The following ENAH variants were observed in gnomAD, a reference collection of about 807,000 sequenced individuals.
The protein encoded by ENAH is ENAH actin regulator, also known as protein enabled homolog.
Under a neutral mutation model 78.7 loss-of-function variants are expected in ENAH, and 23 were observed. That is an observed-to-expected ratio of 0.29 (90% CI 0.21 to 0.41). ENAH has a LOEUF of 0.41. Among genes scored for constraint, ENAH ranks in the 10% least tolerant of loss-of-function variants. The probability of loss-of-function intolerance (pLI) is 1.00; values close to 1 mark genes in which losing one functional copy is unlikely to be tolerated. For missense variants in ENAH, 544 were observed against 691.0 expected (o/e 0.79, Z 2.39); for synonymous variants, 226 against 241.0 (o/e 0.94, Z 0.58).
Position 225,497,675 on chromosome 1 carries a change from T to C in ENAH, c.*100A>G. 1.6e-6 allele frequency: 2 copies of C among 1,217,932 alleles called. No homozygotes were observed. Among genetic ancestry groups the C allele is most frequent in the South Asian group, 1.5e-5 (1 of 68,156 alleles). The allele number at this position is 1,217,932 out of a possible 1,614,324, so 75.4% of individuals were successfully genotyped here. Reference sequence around the variant, plus strand: ...CCTTCTGTTTGTCTCCATTTTCTTCTTACAGCTCATAAATGTAGGGGTTTG... The same window carrying C: ...CCTTCTGTTTGTCTCCATTTTCTTCCTACAGCTCATAAATGTAGGGGTTTG... On this transcript the variant is annotated 3_prime_UTR_variant, in exon 14 of 14. Coordinates refer to ENST00000366843, the MANE Select transcript of ENAH (RefSeq NM_018212.6).
chr1:225,574,232 G>C (rs1214834078), intron 1 of ENAH, among the ~76,000 whole-genome samples: 1 of 152,092 alleles, frequency 6.6e-6, no homozygotes. Flanking sequence ...GTTTCAACTC[G>C]ATTCCACAAA....
intron 11 of ENAH, chr1:225,505,051 C>T (rs764281613): frequency 3.7e-6 from 6 of 1,609,408 alleles, no homozygotes; most frequent in Admixed American, 1.7e-5. Flanking sequence ...TGGAGAATCC[C>T]GTCTATGAAG....
intron 3 of ENAH, among the ~76,000 whole-genome samples, chr1:225,553,798 T>G (rs929849656): frequency 6.6e-6 from 1 of 152,202 alleles, no homozygotes; most frequent in African/African-American, 2.4e-5. Flanking sequence ...GTTTATTTTC[T>G]CAAACTAGAC....
At chr1:225,643,829 C>G (rs903722345) in intron 1 of ENAH, among the ~76,000 whole-genome samples, 7 of 151,948 alleles carry the variant, frequency 4.6e-5, no homozygotes, top group African/African-American at 1.7e-4. Flanking sequence ...CTCAGCTACT[C>G]AGGAGGCTGA....
At chr1:225,582,902 C>G (rs1170974488) in intron 1 of ENAH, among the ~76,000 whole-genome samples, 1 of 152,112 alleles carries the variant, frequency 6.6e-6, no homozygotes, top group Admixed American at 6.5e-5. Flanking sequence ...AAAACAACCA[C>G]AAGTAGGTAT....
At chr1:225,588,801 C>CA (rs55962047) in intron 1 of ENAH, among the ~76,000 whole-genome samples, 1,105 of 78,166 alleles carry the variant, frequency 0.014, 9 homozygotes, top group African/African-American at 0.037. Context: ...AAGTCTGTGT[C>CA]AAAAAAAAAA....
intron 1 of ENAH, among the ~76,000 whole-genome samples, chr1:225,633,623 G>C (rs1411624461): frequency 6.6e-6 from 1 of 152,056 alleles, no homozygotes; most frequent in Non-Finnish European, 1.5e-5. Context: ...CCTAAGCCTT[G>C]GTTTCCTACA....
Position 225,633,104 on chromosome 1 carries a change from G to A in ENAH, c.5+19582C>T, listed in dbSNP as rs190456517. 1.5e-3 allele frequency among the ~76,000 whole-genome samples: 226 copies of A among 151,154 alleles called. 1 individual carries two copies. The highest frequency in any genetic ancestry group is 3.5e-3 in the African/African-American group (142 of 41,104). ...AGTGCCCAGGCTGAAGTGCAGTGGC[G>A]CAATCTCGGCTCACTGTAAGCTCCA... On this transcript the variant is annotated intron_variant, in intron 1 of 13. Coordinates refer to ENST00000366843, the MANE Select transcript of ENAH (RefSeq NM_018212.6).
At chr1:225,524,584 A>C in intron 4 of ENAH, 3 of 985,222 alleles carry the variant, frequency 3.0e-6, no homozygotes, top group Non-Finnish European at 3.6e-6. Flanking sequence ...CGCTGAGGCA[A>C]GAGTTGATAC....
rs1159441343 is a variant in ENAH at position 225,495,258 on chromosome 1, A to C, written c.*2517T>G. 2 of 152,536 alleles carry C rather than the reference A, an allele frequency of 1.3e-5. No individual in the cohort carries two copies. The highest frequency in any genetic ancestry group is 4.8e-5 in the African/African-American group (2 of 41,456). The allele number at this position is 152,536 out of a possible 1,614,324, so 9.4% of individuals were successfully genotyped here. A position where few individuals can be genotyped will look rare whatever the true frequency, so the allele number is the denominator to read the frequency against. ...CGTACAAGAGCACAAAAACCATCAT[A>C]ATAATGTGGTTCCAAGGAACGTGGT... On this transcript the variant is annotated 3_prime_UTR_variant, in exon 14 of 14. Transcript: ENST00000366843.
chr1:225,530,054 G>A (rs2096530381), intron 4 of ENAH, among the ~76,000 whole-genome samples: 1 of 152,200 alleles, frequency 6.6e-6, no homozygotes, highest in Non-Finnish European at 1.5e-5. Context: ...GTCAGCCTAC[G>A]TACTCTGACC....
intron 1 of ENAH, among the ~76,000 whole-genome samples, chr1:225,635,425 T>G (rs1659889250): frequency 6.6e-6 from 1 of 152,228 alleles, no homozygotes; most frequent in Non-Finnish European, 1.5e-5. Context: ...TCTTGTACCC[T>G]GCAACTTTGC....
chr1:225,619,007 A>T (rs1656317857), intron 1 of ENAH, among the ~76,000 whole-genome samples: 1 of 152,160 alleles, frequency 6.6e-6, no homozygotes, highest in Non-Finnish European at 1.5e-5. Flanking sequence ...CAAGATGCCA[A>T]GCCTACATCA....
intron 2 of ENAH, among the ~76,000 whole-genome samples, chr1:225,557,021 A>G (rs934006763): frequency 3.9e-5 from 6 of 152,144 alleles, no homozygotes; most frequent in Non-Finnish European, 7.4e-5. Context: ...CAACTCTACA[A>G]TGTCTTAACT....
At chr1:225,534,650 A>T (rs1200019207) in intron 3 of ENAH, among the ~76,000 whole-genome samples, 2 of 152,096 alleles carry the variant, frequency 1.3e-5, no homozygotes, top group East Asian at 3.9e-4. Flanking sequence ...CTCATAAAAT[A>T]ATCTGGCTAG....
At chr1:225,641,628 T>C (rs1173180056) in intron 1 of ENAH, among the ~76,000 whole-genome samples, 1 of 152,118 alleles carries the variant, frequency 6.6e-6, no homozygotes, top group Non-Finnish European at 1.5e-5. Context: ...GGCTCATGTT[T>C]GTAATCCTAG....
chr1:225,613,504 G>A (rs2097003711), intron 1 of ENAH, among the ~76,000 whole-genome samples: 1 of 152,008 alleles, frequency 6.6e-6, no homozygotes, highest in Non-Finnish European at 1.5e-5. Context: ...TTTTCAGTTT[G>A]TCAATTTTAT....
chr1:225,552,077 T>C (rs946013177), intron 3 of ENAH, among the ~76,000 whole-genome samples: 3 of 151,970 alleles, frequency 2.0e-5, no homozygotes, highest in African/African-American at 7.2e-5. Flanking sequence ...ACATACCTTT[T>C]CTACACTGGA....
intron 1 of ENAH, among the ~76,000 whole-genome samples, chr1:225,589,129 C>T (rs2657568): frequency 0.058 from 8,769 of 152,048 alleles, 285 homozygotes; most frequent in African/African-American, 0.093. Context: ...ATAGTAGAAA[C>T]AAAACAGTAT....
Sources: gnomAD v4.1 joint callset for allele counts (sites outside exome capture counted in the v4.1 genomes callset) on GRCh38, gnomAD v4.1.1 for gene constraint, MANE v1.5 for transcripts, NCBI Gene and HGNC (gene_info 2026-07-23, HGNC 2026-07-21) for gene names.